The following TLL1 variants were observed in gnomAD, a reference collection of about 807,000 sequenced individuals.
TLL1 encodes the protein tolloid like 1.
A neutral mutation model predicts 128.2 loss-of-function variants in TLL1; 49 were observed. That is an observed-to-expected ratio of 0.38 (90% CI 0.30 to 0.48). The LOEUF is 0.48. TLL1 is among the 20% of genes least tolerant of loss of function. The pLI, the probability that TLL1 is intolerant of heterozygous loss-of-function variation, is 0.96. For synonymous variants in TLL1, 454 were observed against 418.8 expected (o/e 1.08, Z -1.03); for missense variants, 1,123 against 1,242.0 (o/e 0.90, Z 1.44).
chr4:165,980,523 A>G (rs1425850371), intron 1 of TLL1, among the ~76,000 whole-genome samples: 1 of 152,150 alleles, frequency 6.6e-6, no homozygotes, highest in East Asian at 1.9e-4. Flanking sequence ...TTGTAGTGAT[A>G]AGCTCTCATT....
chr4:165,973,904 G>A lies in TLL1; in HGVS notation c.170-15477G>A, dbSNP rs10018286. 6.6e-3 allele frequency among the ~76,000 whole-genome samples: 1,000 copies of A among 152,176 alleles called. 13 individuals are homozygous for A. The highest frequency in any genetic ancestry group is 0.023 in the African/African-American group (954 of 41,552). ...TGGTTTCAAACTCCTGATCTCAGGT[G>A]ATCCACCTGCCTCGGCCTCCCAAAG... On this transcript the variant is annotated intron_variant, in intron 1 of 20. Coordinates refer to ENST00000061240, the MANE Select transcript of TLL1 (RefSeq NM_012464.5).
chr4:165,909,960 A>T (rs1479969981), intron 1 of TLL1, among the ~76,000 whole-genome samples: 2 of 152,198 alleles, frequency 1.3e-5, no homozygotes, highest in Admixed American at 1.3e-4. Flanking sequence ...CTAGAATGAT[A>T]TATTTTATAA....
At chr4:165,956,530 A>T (rs1734804723) in intron 1 of TLL1, among the ~76,000 whole-genome samples, 1 of 149,372 alleles carries the variant, frequency 6.7e-6, no homozygotes, top group Non-Finnish European at 1.5e-5. Context: ...TGCAAGAAGA[A>T]AAGTGACTTT....
At chr4:166,060,330 T>A (rs1380946592) in intron 15 of TLL1, 142 bp downstream of exon 15, 12 of 904,218 alleles carry the variant, frequency 1.3e-5, no homozygotes, top group Non-Finnish European at 1.9e-5. Flanking sequence ...TTTCTGCAAC[T>A]GCTTATGAAT....
chr4:166,104,299 C>T lies in TLL1; in HGVS notation c.*3423C>T, dbSNP rs1051243701. 1.3e-5 allele frequency among the ~76,000 whole-genome samples: 2 copies of T among 151,864 alleles called. No homozygotes were observed. The highest frequency in any genetic ancestry group is 4.8e-5 in the African/African-American group (2 of 41,390). On this transcript the variant is annotated 3_prime_UTR_variant, in exon 21 of 21. Transcript: ENST00000061240. ...ATGTAGATTTAGAAGGACTGCAACCCTATGTGACATTATAACTTACTTAAA... is the reference window on the plus strand; with the variant it reads ...ATGTAGATTTAGAAGGACTGCAACCTTATGTGACATTATAACTTACTTAAA...
intron 7 of TLL1, among the ~76,000 whole-genome samples, chr4:166,012,927 A>G (rs1737764928): frequency 6.6e-6 from 1 of 151,726 alleles, no homozygotes; most frequent in Non-Finnish European, 1.5e-5. Flanking sequence ...TTAGTAATAA[A>G]ATTGCTCATA....
At chr4:165,994,225 T>C (rs977414824) in intron 3 of TLL1, among the ~76,000 whole-genome samples, 156 bp from the exon 4 acceptor site, 2 of 152,196 alleles carry the variant, frequency 1.3e-5, no homozygotes, top group Non-Finnish European at 2.9e-5. Flanking sequence ...TGTTCAAGTA[T>C]GTAATATAAC....
At chr4:165,952,917 A>G (rs914409658) in intron 1 of TLL1, among the ~76,000 whole-genome samples, 5 of 152,182 alleles carry the variant, frequency 3.3e-5, no homozygotes, top group African/African-American at 1.2e-4. Flanking sequence ...TTGAGGTGTT[A>G]TATAGATTTC....
Position 165,949,772 on chromosome 4 carries a change from A to G in TLL1, c.170-39609A>G, listed in dbSNP as rs537313872. Among the ~76,000 whole-genome samples, 3 of 152,214 alleles carry G rather than the reference A, an allele frequency of 2.0e-5. No individual in the cohort carries two copies. In the East Asian group the frequency reaches 5.8e-4, roughly 30 times the overall value. On this transcript the variant is annotated intron_variant, in intron 1 of 20. Coordinates refer to ENST00000061240, the MANE Select transcript of TLL1 (RefSeq NM_012464.5). ...GGGAAACCACTGCCATGATTCCATT[A>G]TCTCCCACCGGGTCCCTCCCACAAT...
At chr4:165,911,443 A>G (rs1732522273) in intron 1 of TLL1, among the ~76,000 whole-genome samples, 1 of 152,168 alleles carries the variant, frequency 6.6e-6, no homozygotes, top group African/African-American at 2.4e-5. Context: ...TTCATGCATT[A>G]AGGAACACTT....
intron 1 of TLL1, among the ~76,000 whole-genome samples, chr4:165,940,054 A>G (rs1733937225): frequency 6.6e-6 from 1 of 151,728 alleles, no homozygotes; most frequent in South Asian, 2.1e-4. Flanking sequence ...TCAGATTTTT[A>G]TTATTGTCCT....
At chr4:165,939,688 T>A (rs1412795666) in intron 1 of TLL1, among the ~76,000 whole-genome samples, 1 of 152,038 alleles carries the variant, frequency 6.6e-6, no homozygotes, top group Admixed American at 6.6e-5. Context: ...CCACTAATTC[T>A]CTATCTACTT....
intron 8 of TLL1, among the ~76,000 whole-genome samples, chr4:166,015,532 A>G (rs951908980): frequency 6.6e-6 from 1 of 151,986 alleles, no homozygotes; most frequent in African/African-American, 2.4e-5. Flanking sequence ...TTAAATTTTT[A>G]TGATTTCTGG....
chr4:165,896,288 T>C (rs977001813), intron 1 of TLL1, among the ~76,000 whole-genome samples: 4 of 152,138 alleles, frequency 2.6e-5, no homozygotes, highest in Non-Finnish European at 5.9e-5. Flanking sequence ...CTGCATATTA[T>C]TCCATGGTGT....
intron 1 of TLL1, among the ~76,000 whole-genome samples, chr4:165,907,938 G>T (rs1314206983): frequency 6.6e-6 from 1 of 152,184 alleles, no homozygotes; most frequent in African/African-American, 2.4e-5. Flanking sequence ...TATTACAAAT[G>T]TTTCCAACAA....
At chr4:165,894,528 A>C (rs1015516677) in intron 1 of TLL1, among the ~76,000 whole-genome samples, 3 of 152,190 alleles carry the variant, frequency 2.0e-5, no homozygotes, top group Non-Finnish European at 4.4e-5. Flanking sequence ...GATATACAAA[A>C]TCTGAAAGAC....
At chr4:165,970,868 T>G (rs979127112) in intron 1 of TLL1, among the ~76,000 whole-genome samples, 2 of 152,280 alleles carry the variant, frequency 1.3e-5, no homozygotes, top group Non-Finnish European at 2.9e-5. Context: ...TGTCCCAGGT[T>G]TGACGCATAG....
chr4:166,000,219 G>T (rs1737082838), intron 5 of TLL1, among the ~76,000 whole-genome samples: 2 of 152,132 alleles, frequency 1.3e-5, no homozygotes, highest in Admixed American at 1.3e-4. Context: ...TAGAAACTAA[G>T]ATAATATTTA....
At chr4:165,968,088 T>A (rs1285689548) in intron 1 of TLL1, among the ~76,000 whole-genome samples, 1 of 152,188 alleles carries the variant, frequency 6.6e-6, no homozygotes, top group Non-Finnish European at 1.5e-5. Context: ...GCACATACAG[T>A]GCGGCTTTTC....
Sources: gnomAD v4.1 joint callset for allele counts (sites outside exome capture counted in the v4.1 genomes callset) on GRCh38, gnomAD v4.1.1 for gene constraint, MANE v1.5 for transcripts, NCBI Gene and HGNC (gene_info 2026-07-23, HGNC 2026-07-21) for gene names.